GABBR2: variants seen among roughly 807,000 people sequenced by gnomAD.
GABBR2 encodes the protein G-protein coupled receptor 51.
Under a neutral mutation model 105.6 loss-of-function variants are expected in GABBR2, and 23 were observed. That is an observed-to-expected ratio of 0.22 (90% CI 0.16 to 0.31). The LOEUF is 0.31. Among genes scored for constraint, GABBR2 ranks in the 10% least tolerant of loss-of-function variants. The pLI is 1.00. For synonymous variants in GABBR2, 478 were observed against 499.7 expected, an observed-to-expected ratio of 0.96 and a Z score of 0.58; for missense variants, 734 against 1,245.5, an observed-to-expected ratio of 0.59 and a Z score of 6.18.
intron 1 of GABBR2, among the ~76,000 whole-genome samples, chr9:98,686,378 C>T (rs1006546261): frequency 7.3e-5 from 8 of 108,972 alleles, no homozygotes; most frequent in African/African-American, 2.7e-4. Context: ...CAATAGTCCC[C>T]GAATAAAATC....
At position 98,646,049 on chromosome 9, in the gene GABBR2, T is replaced by C. The variant is rs376203158; in HGVS notation, c.321+62368A>G. On this transcript the variant is annotated intron_variant, in intron 1 of 18. Transcript: ENST00000259455. ...CCTGTTGATGAGCACTGTAATACTT[T>C]CTCTGGGCGGAAAAGGGTTAACACA... Among the ~76,000 whole-genome samples the C allele has an allele frequency of 3.3e-4, 51 of 152,286 alleles. 1 individual carries two copies. In the East Asian group the frequency reaches 6.2e-3, roughly 18 times the overall value.
At chr9:98,556,912 G>T (rs960262978) in intron 2 of GABBR2, among the ~76,000 whole-genome samples, 6 of 152,246 alleles carry the variant, frequency 3.9e-5, no homozygotes, top group Non-Finnish European at 8.8e-5. Flanking sequence ...AAGCACGGTG[G>T]CCATGCCTGT....
At chr9:98,661,258 C>A (rs952620661) in intron 1 of GABBR2, among the ~76,000 whole-genome samples, 1 of 152,200 alleles carries the variant, frequency 6.6e-6, no homozygotes, top group Non-Finnish European at 1.5e-5. Context: ...CCATGGAAGG[C>A]AACATTCACA....
rs1379688782 is a variant in GABBR2 at position 98,457,052 on chromosome 9, GGTT to G, written c.1000-2838_1000-2836del. On this transcript the variant is annotated intron_variant, in intron 6 of 18. Coordinates refer to ENST00000259455, the MANE Select transcript of GABBR2 (RefSeq NM_005458.8). ...TAAAATGTGATTTGTGTCTATTTCT[GGTT>G]GTTAACTACTGACCATTTTAAAAGG... is the stretch of plus-strand genomic sequence containing the variant. 2.6e-5 allele frequency among the ~76,000 whole-genome samples: 4 copies of G among 152,214 alleles called. No homozygotes were observed. In the East Asian group the frequency reaches 5.8e-4, roughly 22 times the overall value.
chr9:98,638,340 A>G (rs1375235140), intron 1 of GABBR2, among the ~76,000 whole-genome samples: 1 of 152,212 alleles, frequency 6.6e-6, no homozygotes, highest in Non-Finnish European at 1.5e-5. Context: ...TCTAGGTCAA[A>G]CCCATCAGGT....
intron 13 of GABBR2, among the ~76,000 whole-genome samples, chr9:98,347,942 TC>T (rs1307555816): frequency 6.6e-6 from 1 of 152,058 alleles, no homozygotes; most frequent in Non-Finnish European, 1.5e-5. Flanking sequence ...TAAATAGGAG[TC>T]CCCCTGCGCA....
At chr9:98,626,971 T>C (rs1588258604) in intron 1 of GABBR2, among the ~76,000 whole-genome samples, 1 of 152,212 alleles carries the variant, frequency 6.6e-6, no homozygotes, top group East Asian at 1.9e-4. Context: ...GAACATGAAA[T>C]GCCTAGGTTT....
chr9:98,299,435 AGGGCT>A lies in GABBR2; in HGVS notation c.2413-87_2413-83del, dbSNP rs1830434059. 5 of 1,508,912 alleles carry A rather than the reference AGGGCT, an allele frequency of 3.3e-6. No individual in the cohort carries two copies. The South Asian group carries it at 5.7e-5, about 17-fold the overall frequency. 93.5% of individuals were successfully genotyped at this position (1,508,912 alleles called of 1,614,324 possible). On this transcript the variant is annotated intron_variant, in intron 16 of 18. Coordinates refer to ENST00000259455, the MANE Select transcript of GABBR2 (RefSeq NM_005458.8). ...CCACTAGGGCCAAAAGGTAGCTCACAGGGCTGGGCCTTTACCTGTATTCAGGAGTG... is the reference window on the plus strand; with the variant it reads ...CCACTAGGGCCAAAAGGTAGCTCACAGGGCCTTTACCTGTATTCAGGAGTG...
intron 7 of GABBR2, among the ~76,000 whole-genome samples, chr9:98,415,226 AT>A (rs1490608620): frequency 2.0e-5 from 3 of 152,118 alleles, no homozygotes; most frequent in Non-Finnish European, 4.4e-5. Flanking sequence ...TACTTTACCT[AT>A]ATTCTATAAT....
At chr9:98,397,089 C>T (rs1306956368) in intron 8 of GABBR2, among the ~76,000 whole-genome samples, 3 of 152,170 alleles carry the variant, frequency 2.0e-5, no homozygotes, top group African/African-American at 7.2e-5. Flanking sequence ...CATGGGTCTC[C>T]TAGTTCTGAA....
intron 7 of GABBR2, among the ~76,000 whole-genome samples, chr9:98,448,014 A>T (rs1826166283): frequency 1.3e-5 from 2 of 152,158 alleles, no homozygotes; most frequent in Admixed American, 6.5e-5. Context: ...TGGTGAGACC[A>T]ATTAGAAGAT....
chr9:98,600,270 C>T (rs1829306692), intron 1 of GABBR2, among the ~76,000 whole-genome samples: 1 of 152,186 alleles, frequency 6.6e-6, no homozygotes, highest in Admixed American at 6.5e-5. Context: ...GGAACAGCTC[C>T]TCCTTCTCTG....
chr9:98,705,622 A>G (rs1456615443), intron 1 of GABBR2, among the ~76,000 whole-genome samples: 1 of 152,230 alleles, frequency 6.6e-6, no homozygotes, highest in Non-Finnish European at 1.5e-5. Context: ...CAATCTGAAT[A>G]AACTAGACCC....
At chr9:98,530,103 A>G (rs1256102774) in intron 3 of GABBR2, among the ~76,000 whole-genome samples, 2 of 152,192 alleles carry the variant, frequency 1.3e-5, no homozygotes, top group Non-Finnish European at 2.9e-5. Flanking sequence ...ACACTACAAG[A>G]TGCACTGCCC....
chr9:98,481,003 G>A lies in GABBR2; in HGVS notation c.733-6C>T. The A allele has an allele frequency of 6.3e-7, 1 of 1,584,630 alleles. No individual in the cohort carries two copies. Among genetic ancestry groups the A allele is most frequent in the Non-Finnish European group, 8.7e-7 (1 of 1,153,184 alleles). On this transcript the variant is annotated splice_region_variant and splice_polypyrimidine_tract_variant and intron_variant, in intron 4 of 18. Transcript: ENST00000259455. ...ATGATCCGCACATCATTCCCCTGTG[G>A]ATGGAAGGACACATCATGAAGGTGA...
chr9:98,646,440 C>T (rs1372291509), intron 1 of GABBR2, among the ~76,000 whole-genome samples: 1 of 152,138 alleles, frequency 6.6e-6, no homozygotes, highest in Admixed American at 6.5e-5. Flanking sequence ...GAAGCTCGCA[C>T]CTGGTTTCCT....
At chr9:98,409,816 C>A (rs143224154) in intron 7 of GABBR2, among the ~76,000 whole-genome samples, 105 of 152,340 alleles carry the variant, frequency 6.9e-4, no homozygotes, top group Non-Finnish European at 1.3e-3. Context: ...ACTTCTCCCG[C>A]TGCCCAGCGC....
chr9:98,661,550 A>G (rs1977580), intron 1 of GABBR2, among the ~76,000 whole-genome samples: 141,637 of 152,182 alleles, frequency 0.93, 66,043 homozygotes, highest in African/African-American at 0.97. Flanking sequence ...ACAGGCGCAT[A>G]CCACCATGCC....
rs886271621 is a variant in GABBR2 at position 98,588,295 on chromosome 9, T to G, written c.322-10223A>C. ...TGTTTTGTCATTGCAACTAATTCAT[T>G]GAAACATTTTCAGTCACCTACTAAG... On this transcript the variant is annotated intron_variant, in intron 1 of 18. Coordinates refer to ENST00000259455, the MANE Select transcript of GABBR2 (RefSeq NM_005458.8). Among the ~76,000 whole-genome samples, 12 of 152,238 alleles carry G rather than the reference T, an allele frequency of 7.9e-5. No homozygotes were observed. In the East Asian group the frequency reaches 1.9e-3, roughly 24 times the overall value.
Sources: gnomAD v4.1 joint callset for allele counts (sites outside exome capture counted in the v4.1 genomes callset) on GRCh38, gnomAD v4.1.1 for gene constraint, MANE v1.5 for transcripts, NCBI Gene and HGNC (gene_info 2026-07-23, HGNC 2026-07-21) for gene names.